The following NEGR1 variants were observed in gnomAD, a reference collection of about 807,000 sequenced individuals.
NEGR1 encodes the protein neuronal growth regulator 1.
In NEGR1, 10 loss-of-function variants were observed where a neutral mutation model predicts 40.9. That is an observed-to-expected ratio of 0.24 (90% confidence interval 0.15 to 0.42). The LOEUF (loss-of-function observed/expected upper bound fraction) is 0.42. NEGR1 is among the 10% of genes least tolerant of loss of function. NEGR1 has a pLI of 1.00. For missense variants in NEGR1, 352 were observed against 438.9 expected (o/e 0.80, Z 1.77); for synonymous variants, 185 against 166.8 (o/e 1.11, Z -0.84).
rs570419601 is a variant in NEGR1 at position 71,635,536 on chromosome 1, T to C, written c.668-24390A>G. On this transcript the variant is annotated intron_variant, in intron 4 of 6. Coordinates refer to ENST00000357731, the MANE Select transcript of NEGR1 (RefSeq NM_173808.3). ...CAAAATGGAGAGAGTTGAGGATAGA[T>C]TGGATCTGAGGGAAATAAAAGATGG... Among the ~76,000 whole-genome samples the C allele has an allele frequency of 6.9e-4, 105 of 152,068 alleles. 1 individual carries two copies. Among genetic ancestry groups the C allele is most frequent in the African/African-American group, 2.4e-3 (101 of 41,506 alleles).
intron 1 of NEGR1, among the ~76,000 whole-genome samples, chr1:72,077,776 G>T (rs1377460859): frequency 1.3e-5 from 2 of 152,122 alleles, no homozygotes; most frequent in East Asian, 3.9e-4. Context: ...ACTTGCTATT[G>T]CTCTCCAGCA....
chr1:71,419,823 G>A (rs1216474783), intron 6 of NEGR1, among the ~76,000 whole-genome samples: 1 of 151,204 alleles, frequency 6.6e-6, no homozygotes, highest in Non-Finnish European at 1.5e-5. Flanking sequence ...ATGAGAAATA[G>A]AACTGCTGTG....
In NEGR1 at chr1:72,273,306, T is replaced by G. The variant is rs369418808; in HGVS notation, c.176+9013A>C. On this transcript the variant is annotated intron_variant, in intron 1 of 6. Transcript: ENST00000357731. ...CCTCTATATCCTTATTGATTTTGTT[T>G]AATTAAAGCTTTAGGAGAAAGGAAG... Among the ~76,000 whole-genome samples the G allele has an allele frequency of 1.1e-3, 172 of 152,116 alleles. No homozygotes were observed. In the Middle Eastern group the frequency reaches 0.02, roughly 18 times the overall value.
In NEGR1 at chr1:72,030,019, G is replaced by T. The variant is rs914026945; in HGVS notation, c.177-94708C>A. On this transcript the variant is annotated intron_variant, in intron 1 of 6. Coordinates refer to ENST00000357731, the MANE Select transcript of NEGR1 (RefSeq NM_173808.3). ...TTGAAGTGTTAAGAAATGTTTAAAA[G>T]GAGTGAAATATGAAAAAAAAAATCT... Among the ~76,000 whole-genome samples the T allele has an allele frequency of 4.1e-4, 30 of 73,860 alleles. 1 individual carries two copies. The Admixed American group carries it at 5.4e-3, about 13-fold the overall frequency. The allele number at this position is 73,860 out of a possible 152,430, so 48.5% of individuals were successfully genotyped here.
chr1:71,635,368 T>C (rs1450387698), intron 4 of NEGR1, among the ~76,000 whole-genome samples: 1 of 151,868 alleles, frequency 6.6e-6, no homozygotes. Context: ...TAAATATAAT[T>C]TTGGAAGAGA....
chr1:71,750,094 C>T (rs1029697495), intron 3 of NEGR1, among the ~76,000 whole-genome samples: 1 of 151,536 alleles, frequency 6.6e-6, no homozygotes, highest in Admixed American at 6.6e-5. Flanking sequence ...CCCAGGTTCA[C>T]GCCATTCTCC....
At chr1:71,773,903 A>T (rs1656414032) in intron 3 of NEGR1, among the ~76,000 whole-genome samples, 1 of 152,212 alleles carries the variant, frequency 6.6e-6, no homozygotes, top group African/African-American at 2.4e-5. Flanking sequence ...AAGCACTTTT[A>T]AAAAGAAGAA....
chr1:71,648,456 A>C (rs1570149378), intron 4 of NEGR1, among the ~76,000 whole-genome samples: 1 of 152,042 alleles, frequency 6.6e-6, no homozygotes. Context: ...CACAGAAGTT[A>C]AATTATTCAT....
At chr1:71,447,607 T>C (rs541063042) in intron 6 of NEGR1, among the ~76,000 whole-genome samples, 87 of 152,328 alleles carry the variant, frequency 5.7e-4, no homozygotes, top group South Asian at 1.2e-3. Flanking sequence ...CTATTCATAC[T>C]TTACCATCTT....
intron 2 of NEGR1, among the ~76,000 whole-genome samples, chr1:71,796,308 C>G (rs1657322997): frequency 6.6e-6 from 1 of 152,024 alleles, no homozygotes; most frequent in Non-Finnish European, 1.5e-5. Flanking sequence ...TGGAAGAGTA[C>G]CAGGTGTGTT....
chr1:72,196,050 T>TA (rs539222389), intron 1 of NEGR1, among the ~76,000 whole-genome samples: 301 of 152,138 alleles, frequency 2.0e-3, no homozygotes, highest in African/African-American at 6.9e-3. Context: ...GCACAATCTT[T>TA]AAAAAAATTT....
At chr1:71,468,076 A>G (rs1200306278) in intron 6 of NEGR1, among the ~76,000 whole-genome samples, 6 of 152,008 alleles carry the variant, frequency 3.9e-5, no homozygotes, top group African/African-American at 1.4e-4. Flanking sequence ...TATTATACAA[A>G]TATAATATTA....
At chr1:71,983,095 G>A (rs1557467840) in intron 1 of NEGR1, among the ~76,000 whole-genome samples, 1 of 152,164 alleles carries the variant, frequency 6.6e-6, no homozygotes, top group East Asian at 1.9e-4. Context: ...TAATAGTTTA[G>A]TCATACAGAA....
chr1:72,272,764 A>G (rs541120290), intron 1 of NEGR1, among the ~76,000 whole-genome samples: 17 of 152,128 alleles, frequency 1.1e-4, no homozygotes, highest in African/African-American at 3.6e-4. Context: ...TGAGCACTGG[A>G]CCTATGTCCA....
intron 4 of NEGR1, among the ~76,000 whole-genome samples, chr1:71,650,744 A>C (rs569399628): frequency 1.3e-5 from 2 of 152,118 alleles, no homozygotes; most frequent in South Asian, 4.1e-4. Context: ...ATGTGCTCTA[A>C]AATGGAATTG....
At chr1:72,190,282 G>A (rs1297620729) in intron 1 of NEGR1, among the ~76,000 whole-genome samples, 2 of 151,542 alleles carry the variant, frequency 1.3e-5, no homozygotes, top group African/African-American at 4.8e-5. Context: ...ATTTGTATGT[G>A]TGTGTACAGA....
intron 6 of NEGR1, among the ~76,000 whole-genome samples, chr1:71,420,702 G>A (rs952501591): frequency 6.6e-6 from 1 of 152,102 alleles, no homozygotes; most frequent in African/African-American, 2.4e-5. Flanking sequence ...GCTAGACAGA[G>A]AATTAATGTA....
intron 3 of NEGR1, among the ~76,000 whole-genome samples, chr1:71,766,778 G>A (rs573687155): frequency 6.6e-6 from 1 of 152,140 alleles, no homozygotes; most frequent in Non-Finnish European, 1.5e-5. Flanking sequence ...ATCATGGGGG[G>A]AGTTTTCATA....
intron 2 of NEGR1, among the ~76,000 whole-genome samples, chr1:71,844,803 T>A (rs553467537): frequency 1.3e-5 from 2 of 152,168 alleles, no homozygotes; most frequent in Non-Finnish European, 2.9e-5. Flanking sequence ...GTCAGATCAC[T>A]AACACATGGT....
Sources: allele counts gnomAD v4.1 joint callset (sites outside exome capture counted in the v4.1 genomes callset), GRCh38; gene constraint gnomAD v4.1.1; transcripts MANE v1.5; gene names NCBI Gene and HGNC (gene_info 2026-07-23, HGNC 2026-07-21).